The following RARB variants were observed in gnomAD, a reference collection of about 807,000 sequenced individuals.
RARB encodes retinoic acid receptor beta, also known as HBV-activated protein.
Under a neutral mutation model 51.9 loss-of-function variants are expected in RARB, and 17 were observed. That is an observed-to-expected ratio of 0.33 (90% confidence interval 0.22 to 0.49). The LOEUF is 0.49. Among genes scored for constraint, RARB ranks in the 20% least tolerant of loss-of-function variants. RARB has a pLI of 0.99. For missense variants in RARB, 369 were observed against 550.8 expected, an observed-to-expected ratio of 0.67 and a Z score of 3.30; for synonymous variants, 215 against 195.4, an observed-to-expected ratio of 1.10 and a Z score of -0.84.
intron 4 of RARB, among the ~76,000 whole-genome samples, chr3:25,170,017 A>G (rs897801338): frequency 5.9e-4 from 88 of 150,200 alleles, no homozygotes; most frequent in Non-Finnish European, 7.7e-4. Flanking sequence ...AAGAAAGAAA[A>G]AAAAAAAGAA....
intron 5 of RARB, among the ~76,000 whole-genome samples, chr3:25,355,125 C>T (rs1224149431): frequency 2.0e-5 from 3 of 152,140 alleles, no homozygotes; most frequent in South Asian, 2.1e-4. Flanking sequence ...TATTTGTAAA[C>T]AGCTTAGAAT....
intron 2 of RARB, among the ~76,000 whole-genome samples, chr3:24,995,292 T>A (rs988682519): frequency 1.3e-5 from 2 of 152,032 alleles, no homozygotes; most frequent in Non-Finnish European, 2.9e-5. Context: ...TCAGCTAGTT[T>A]ATTCATGTAT....
chr3:25,091,246 A>C (rs1699193619), intron 3 of RARB, among the ~76,000 whole-genome samples: 1 of 152,188 alleles, frequency 6.6e-6, no homozygotes, highest in African/African-American at 2.4e-5. Flanking sequence ...TTGAATGTGC[A>C]CTGTGCTGTC....
chr3:25,180,484 G>C (rs961809969), intron 5 of RARB, among the ~76,000 whole-genome samples: 1 of 152,110 alleles, frequency 6.6e-6, no homozygotes, highest in African/African-American at 2.4e-5. Context: ...TCATCCATCT[G>C]CAACTCCTAT....
Position 25,506,671 on chromosome 3 carries a change from G to A in RARB, c.448+5348G>A, listed in dbSNP as rs75290414. On this transcript the variant is annotated intron_variant, in intron 3 of 7. Coordinates refer to ENST00000330688, the MANE Select transcript of RARB (RefSeq NM_000965.5). ...CATTACTTAACTCTGCCATTATAGC[G>A]CAAAAGTAGCCATGGAAAATATAAA... Among the ~76,000 whole-genome samples the A allele has an allele frequency of 7.8e-3, 1,187 of 152,342 alleles. 15 individuals are homozygous for A. Among genetic ancestry groups the A allele is most frequent in the African/African-American group, 0.027 (1,136 of 41,578 alleles).
intron 2 of RARB, among the ~76,000 whole-genome samples, chr3:24,892,977 A>G (rs1461512711): frequency 6.6e-6 from 1 of 152,214 alleles, no homozygotes; most frequent in Non-Finnish European, 1.5e-5. Flanking sequence ...CTTCACAGTG[A>G]CCACATTTGG....
At chr3:25,456,042 C>G (rs1230710713) in intron 1 of RARB, among the ~76,000 whole-genome samples, 3 of 152,176 alleles carry the variant, frequency 2.0e-5, no homozygotes, top group Non-Finnish European at 4.4e-5. Flanking sequence ...TGCCTGAGAT[C>G]GCTGAATGAG....
intron 2 of RARB, among the ~76,000 whole-genome samples, chr3:24,951,445 T>C (rs2125405916): frequency 6.6e-6 from 1 of 152,286 alleles, no homozygotes; most frequent in Admixed American, 6.5e-5. Flanking sequence ...AGGAAGAGTG[T>C]TGTAATCCTG....
At chr3:25,376,248 C>A (rs1247889147) in intron 5 of RARB, among the ~76,000 whole-genome samples, 1 of 152,148 alleles carries the variant, frequency 6.6e-6, no homozygotes, top group Non-Finnish European at 1.5e-5. Flanking sequence ...TCTTACCTAC[C>A]TGGAAGCCCT....
chr3:25,356,413 G>C (rs1244341326), intron 5 of RARB, among the ~76,000 whole-genome samples: 2 of 151,970 alleles, frequency 1.3e-5, no homozygotes, highest in Non-Finnish European at 2.9e-5. Context: ...TTTTATAATA[G>C]TCTATTTCTA....
At chr3:25,495,999 A>G (rs898691210) in intron 2 of RARB, among the ~76,000 whole-genome samples, 3 of 152,326 alleles carry the variant, frequency 2.0e-5, no homozygotes, top group Middle Eastern at 3.4e-3. Context: ...GCTGATTCCA[A>G]CTCAGATCAG....
intron 2 of RARB, among the ~76,000 whole-genome samples, chr3:25,467,193 T>A (rs550659181): frequency 6.6e-6 from 1 of 152,372 alleles, no homozygotes; most frequent in East Asian, 1.9e-4. Context: ...ATACCTGACG[T>A]CACACCTTGG....
chr3:25,146,981 C>T (rs1386793961), intron 4 of RARB, among the ~76,000 whole-genome samples: 1 of 152,088 alleles, frequency 6.6e-6, no homozygotes, highest in Non-Finnish European at 1.5e-5. Flanking sequence ...ACTATGAATG[C>T]CTGGGCTATG....
intron 5 of RARB, among the ~76,000 whole-genome samples, chr3:25,354,202 G>A (rs557552496): frequency 1.1e-3 from 164 of 152,214 alleles, no homozygotes; most frequent in African/African-American, 3.7e-3. Flanking sequence ...CTTCAAGTTA[G>A]ACAAGTCTAT....
At chr3:25,341,595 A>G (rs560343569) in intron 5 of RARB, among the ~76,000 whole-genome samples, 3 of 152,276 alleles carry the variant, frequency 2.0e-5, no homozygotes, top group South Asian at 4.1e-4. Context: ...TCTCCTATTC[A>G]TCTTCCAAGT....
At chr3:25,296,284 C>CT (rs1188536456) in intron 5 of RARB, among the ~76,000 whole-genome samples, 3 of 152,068 alleles carry the variant, frequency 2.0e-5, no homozygotes, top group Non-Finnish European at 2.9e-5. Flanking sequence ...GCCAAAAAGG[C>CT]TTTTTTTTCC....
intron 2 of RARB, among the ~76,000 whole-genome samples, chr3:24,868,070 G>A (rs987447902): frequency 2.0e-5 from 3 of 152,138 alleles, no homozygotes; most frequent in African/African-American, 7.2e-5. Flanking sequence ...CTTGATATCC[G>A]AGTTGTAAGA....
chr3:24,919,096 A>C (rs904266044), intron 2 of RARB, among the ~76,000 whole-genome samples: 1 of 152,178 alleles, frequency 6.6e-6, no homozygotes, highest in Non-Finnish European at 1.5e-5. Flanking sequence ...TAGTAATTTT[A>C]ACAAAATTGC....
At chr3:24,980,529 T>C (rs1296954256) in intron 2 of RARB, among the ~76,000 whole-genome samples, 2 of 152,184 alleles carry the variant, frequency 1.3e-5, no homozygotes, top group East Asian at 3.9e-4. Flanking sequence ...TCGATCAAAT[T>C]CGATCCTTTC....
Sources: allele counts gnomAD v4.1 joint callset (sites outside exome capture counted in the v4.1 genomes callset), GRCh38; gene constraint gnomAD v4.1.1; transcripts MANE v1.5; gene names NCBI Gene and HGNC (gene_info 2026-07-23, HGNC 2026-07-21).